The following ZNF385D variants were observed in gnomAD, a reference collection of about 807,000 sequenced individuals.
ZNF385D encodes zinc finger protein 385D.
Under a neutral mutation model 35.8 loss-of-function variants are expected in ZNF385D, and 15 were observed. The observed-to-expected ratio is 0.42, with a 90% CI of 0.28 to 0.64. The LOEUF is 0.64. Ranked by LOEUF, ZNF385D falls within the 30% of genes least tolerant of loss-of-function variation. The probability of loss-of-function intolerance (pLI) is 0.23; values close to 1 mark genes in which losing one functional copy is unlikely to be tolerated. For missense variants in ZNF385D, 474 were observed against 494.6 expected (o/e 0.96, Z 0.39); for synonymous variants, 212 against 186.8 (o/e 1.13, Z -1.10).
intron 2 of ZNF385D, among the ~76,000 whole-genome samples, chr3:22,199,988 A>C (rs1696673697): frequency 6.6e-6 from 1 of 152,114 alleles, no homozygotes; most frequent in African/African-American, 2.4e-5. Context: ...ATCATCAAAA[A>C]AACTATAAAA....
intron 2 of ZNF385D, among the ~76,000 whole-genome samples, chr3:21,618,912 G>A (rs1274285443): frequency 6.6e-6 from 1 of 152,156 alleles, no homozygotes; most frequent in African/African-American, 2.4e-5. Context: ...ATGGGTGTTT[G>A]AAGCTGTTTT....
intron 3 of ZNF385D, among the ~76,000 whole-genome samples, chr3:21,823,167 T>G (rs1313130854): frequency 1.3e-5 from 2 of 152,160 alleles, no homozygotes; most frequent in Non-Finnish European, 2.9e-5. Context: ...ATTAATGATA[T>G]GCTCCATAAA....
intron 2 of ZNF385D, among the ~76,000 whole-genome samples, chr3:22,235,941 A>G (rs544821999): frequency 6.6e-6 from 1 of 152,256 alleles, no homozygotes; most frequent in Admixed American, 6.5e-5. Flanking sequence ...CTGCACATGC[A>G]CTTTAACTCA....
At chr3:22,112,659 A>G (rs1423362138) in intron 3 of ZNF385D, among the ~76,000 whole-genome samples, 1 of 152,172 alleles carries the variant, frequency 6.6e-6, no homozygotes, top group Non-Finnish European at 1.5e-5. Flanking sequence ...TGATATATGC[A>G]GATGCAATCT....
intron 3 of ZNF385D, among the ~76,000 whole-genome samples, chr3:22,079,426 T>C (rs1700630148): frequency 6.6e-6 from 1 of 152,002 alleles, no homozygotes; most frequent in East Asian, 1.9e-4. Context: ...CTGTTGAAGA[T>C]CTTTTCTATA....
intron 2 of ZNF385D, among the ~76,000 whole-genome samples, chr3:22,337,692 C>T (rs932249705): frequency 2.6e-5 from 4 of 152,122 alleles, no homozygotes; most frequent in African/African-American, 4.8e-5. Context: ...AACCAAACAG[C>T]AGAAATAATT....
chr3:21,449,765 G>T (rs1394475863), intron 4 of ZNF385D, among the ~76,000 whole-genome samples: 1 of 152,178 alleles, frequency 6.6e-6, no homozygotes, highest in Non-Finnish European at 1.5e-5. Context: ...TATCATGGAT[G>T]TGAGACTAAT....
At chr3:22,352,462 A>C (rs1695960131) in intron 2 of ZNF385D, among the ~76,000 whole-genome samples, 1 of 152,188 alleles carries the variant, frequency 6.6e-6, no homozygotes, top group South Asian at 2.1e-4. Context: ...CAAGGTGAAA[A>C]ATGTGATTCA....
At chr3:21,636,331 T>C (rs977626322) in intron 2 of ZNF385D, among the ~76,000 whole-genome samples, 10 of 143,192 alleles carry the variant, frequency 7.0e-5, no homozygotes, top group African/African-American at 2.6e-4. Flanking sequence ...TATATAGATA[T>C]ACATGATTTT....
chr3:21,585,993 A>AC (rs1321395848), intron 2 of ZNF385D, among the ~76,000 whole-genome samples: 1 of 151,592 alleles, frequency 6.6e-6, no homozygotes, highest in African/African-American at 2.4e-5. Flanking sequence ...ACATAGCAAG[A>AC]CCCCATCTCT....
At chr3:21,988,775 C>T (rs558566901) in intron 3 of ZNF385D, among the ~76,000 whole-genome samples, 1 of 152,050 alleles carries the variant, frequency 6.6e-6, no homozygotes, top group Non-Finnish European at 1.5e-5. Flanking sequence ...AGCCTCGCTG[C>T]CGCTTTGCAG....
At chr3:22,060,448 G>A (rs1308824180) in intron 3 of ZNF385D, among the ~76,000 whole-genome samples, 1 of 152,176 alleles carries the variant, frequency 6.6e-6, no homozygotes, top group Non-Finnish European at 1.5e-5. Flanking sequence ...AAGTAATAAT[G>A]AAGGGACAGG....
intron 2 of ZNF385D, among the ~76,000 whole-genome samples, chr3:22,231,905 A>G (rs1244613988): frequency 6.6e-6 from 1 of 151,988 alleles, no homozygotes; most frequent in East Asian, 1.9e-4. Context: ...GTTGTTTAAG[A>G]GTATATGGCA....
chr3:22,140,366 C>A (rs192308884), intron 3 of ZNF385D, among the ~76,000 whole-genome samples: 1 of 152,018 alleles, frequency 6.6e-6, no homozygotes, highest in East Asian at 1.9e-4. Flanking sequence ...ACAACATTTT[C>A]AAAATGACAA....
chr3:21,938,882 A>T (rs7627941), intron 3 of ZNF385D, among the ~76,000 whole-genome samples: 11 of 152,130 alleles, frequency 7.2e-5, no homozygotes, highest in Non-Finnish European at 1.3e-4. Context: ...TTTATTCGTT[A>T]CTTTGCAATT....
chr3:22,155,728 G>T (rs1258569529), intron 3 of ZNF385D, among the ~76,000 whole-genome samples: 2 of 151,932 alleles, frequency 1.3e-5, no homozygotes, highest in Admixed American at 1.3e-4. Context: ...ATTGGATTTT[G>T]GTAGAAGAAT....
At chr3:22,337,041 C>T (rs1454281850) in intron 2 of ZNF385D, among the ~76,000 whole-genome samples, 2 of 147,718 alleles carry the variant, frequency 1.4e-5, no homozygotes, top group African/African-American at 5.0e-5. Flanking sequence ...AAAACCCATT[C>T]ATTTACCTGC....
chr3:22,216,320 T>C (rs1327063905), intron 2 of ZNF385D, among the ~76,000 whole-genome samples: 1 of 152,124 alleles, frequency 6.6e-6, no homozygotes, highest in African/African-American at 2.4e-5. Context: ...GATCTCAGAC[T>C]TTCATTGCAA....
chr3:22,367,398 T>C (rs536993381), intron 2 of ZNF385D, among the ~76,000 whole-genome samples: 6 of 152,344 alleles, frequency 3.9e-5, no homozygotes, highest in African/African-American at 1.4e-4. Flanking sequence ...TTTTTCTCTA[T>C]GATTTTGATG....
Sources: gnomAD v4.1 joint callset for allele counts (sites outside exome capture counted in the v4.1 genomes callset) on GRCh38, gnomAD v4.1.1 for gene constraint, MANE v1.5 for transcripts, NCBI Gene and HGNC (gene_info 2026-07-23, HGNC 2026-07-21) for gene names.